The following MACROD2 variants were observed in gnomAD, a reference collection of about 807,000 sequenced individuals.
MACROD2 encodes the protein mono-ADP ribosylhydrolase 2.
In MACROD2, 36 loss-of-function variants were observed where a neutral mutation model predicts 70.4. That is an observed-to-expected ratio of 0.51 (90% CI 0.39 to 0.68). MACROD2 has a LOEUF of 0.68. Ranked by LOEUF, MACROD2 falls within the 30% of genes least tolerant of loss-of-function variation. The probability of loss-of-function intolerance (pLI) is 0.00; values close to 1 mark genes in which losing one functional copy is unlikely to be tolerated. For synonymous variants in MACROD2, 172 were observed against 178.8 expected, an observed-to-expected ratio of 0.96 and a Z score of 0.30; for missense variants, 496 against 538.4, an observed-to-expected ratio of 0.92 and a Z score of 0.78.
At chr20:14,955,129 T>C (rs2074521635) in intron 5 of MACROD2, among the ~76,000 whole-genome samples, 1 of 100,406 alleles carries the variant, frequency 1.0e-5, no homozygotes, top group African/African-American at 3.7e-5. Flanking sequence ...ACTTATATAT[T>C]ATAATTTATA....
chr20:15,116,044 G>C (rs1175894221), intron 5 of MACROD2, among the ~76,000 whole-genome samples: 1 of 152,148 alleles, frequency 6.6e-6, no homozygotes, highest in African/African-American at 2.4e-5. Context: ...TCCACTGTTA[G>C]AATTAAAATT....
chr20:15,148,948 A>T (rs899244853), intron 5 of MACROD2, among the ~76,000 whole-genome samples: 3 of 152,042 alleles, frequency 2.0e-5, no homozygotes, highest in Non-Finnish European at 4.4e-5. Context: ...GTCTGTTATC[A>T]GACTGTATAG....
At chr20:15,833,920 G>A (rs181130659) in intron 8 of MACROD2, among the ~76,000 whole-genome samples, 275 of 152,220 alleles carry the variant, frequency 1.8e-3, no homozygotes, top group Admixed American at 2.9e-3. Context: ...CTAAGAGGAG[G>A]CCAGGATGTG....
intron 4 of MACROD2, among the ~76,000 whole-genome samples, chr20:14,569,753 T>G (rs1022707651): frequency 1.3e-5 from 2 of 151,942 alleles, no homozygotes; most frequent in Non-Finnish European, 2.9e-5. Flanking sequence ...TTAGATACTT[T>G]GGGTCCCGGG....
intron 3 of MACROD2, chr20:14,127,573 T>G: frequency 2.1e-6 from 1 of 478,742 alleles, no homozygotes; most frequent in Middle Eastern, 4.6e-4. Context: ...GAGAAGAAAC[T>G]TTGAGTAGGA....
chr20:15,458,248 C>A (rs1373644169), intron 7 of MACROD2, among the ~76,000 whole-genome samples: 2 of 152,132 alleles, frequency 1.3e-5, no homozygotes, highest in African/African-American at 4.8e-5. Context: ...ATGACTATTC[C>A]ATTCACACAA....
intron 5 of MACROD2, among the ~76,000 whole-genome samples, chr20:14,703,827 A>G (rs183238294): frequency 0.012 from 1,821 of 152,232 alleles, 13 homozygotes; most frequent in South Asian, 0.024. Context: ...CCCAGGTTCA[A>G]GAGATTCTCC....
intron 2 of MACROD2, among the ~76,000 whole-genome samples, chr20:14,027,123 T>C (rs1383909272): frequency 1.3e-5 from 2 of 152,220 alleles, no homozygotes; most frequent in Non-Finnish European, 2.9e-5. Flanking sequence ...TCTTTTCACA[T>C]AGTCCCATAT....
chr20:15,643,061 C>A (rs568325544), intron 8 of MACROD2, among the ~76,000 whole-genome samples: 1 of 152,182 alleles, frequency 6.6e-6, no homozygotes, highest in South Asian at 2.1e-4. Context: ...GAAATAAGTG[C>A]AGTAACTTGA....
In MACROD2 at chr20:14,067,982, TATTAAC is replaced by T. The variant is rs1427491488; in HGVS notation, c.164-17636_164-17631del. ...AGAGGGTGGTTATAACCATTCAAAA[TATTAAC>T]ATAGAGAAACAGGACATATAGATCT... On this transcript the variant is annotated intron_variant, in intron 2 of 17. Transcript: ENST00000684519. Among the ~76,000 whole-genome samples, 3 of 152,214 alleles carry T rather than the reference TATTAAC, an allele frequency of 2.0e-5. No individual in the cohort carries two copies. The East Asian group carries it at 5.8e-4, about 29-fold the overall frequency.
At chr20:15,569,261 T>C (rs1011686079) in intron 8 of MACROD2, among the ~76,000 whole-genome samples, 2 of 152,214 alleles carry the variant, frequency 1.3e-5, no homozygotes, top group Non-Finnish European at 2.9e-5. Context: ...TTCACTTTTA[T>C]TTCTTAATTA....
intron 2 of MACROD2, among the ~76,000 whole-genome samples, chr20:14,016,668 G>A (rs183415221): frequency 6.6e-6 from 1 of 152,030 alleles, no homozygotes; most frequent in Non-Finnish European, 1.5e-5. Flanking sequence ...CATTTGAATG[G>A]TCTTGGCACT....
intron 5 of MACROD2, among the ~76,000 whole-genome samples, chr20:15,129,065 T>C (rs745543918): frequency 1.2e-4 from 18 of 152,060 alleles, no homozygotes; most frequent in Non-Finnish European, 2.2e-4. Context: ...TGTTTTAACA[T>C]TTAAAATAAG....
At chr20:15,770,688 C>G (rs6514613) in intron 8 of MACROD2, among the ~76,000 whole-genome samples, 42,506 of 151,746 alleles carry the variant, frequency 0.28, 6,762 homozygotes, top group African/African-American at 0.45. Context: ...TTTTAATTCA[C>G]GTGTGCTGGA....
At chr20:14,481,807 T>C (rs1274252308) in intron 3 of MACROD2, among the ~76,000 whole-genome samples, 2 of 152,220 alleles carry the variant, frequency 1.3e-5, no homozygotes, top group African/African-American at 2.4e-5. Context: ...TCATTTGTTA[T>C]AGGAAAAGTA....
chr20:14,109,724 A>G (rs999217674), intron 3 of MACROD2, among the ~76,000 whole-genome samples: 3 of 151,952 alleles, frequency 2.0e-5, no homozygotes, highest in African/African-American at 7.2e-5. Context: ...TGAACAGATC[A>G]ATAACACATT....
intron 6 of MACROD2, among the ~76,000 whole-genome samples, chr20:15,355,156 C>A (rs1008774519): frequency 2.0e-5 from 3 of 152,160 alleles, no homozygotes; most frequent in African/African-American, 7.2e-5. Flanking sequence ...TCAGACTCCA[C>A]AAGTTAAAGG....
chr20:14,108,810 T>C (rs1273193902), intron 3 of MACROD2, among the ~76,000 whole-genome samples: 1 of 152,124 alleles, frequency 6.6e-6, no homozygotes, highest in African/African-American at 2.4e-5. Context: ...CCCAATACAA[T>C]AATAACTGGA....
intron 2 of MACROD2, among the ~76,000 whole-genome samples, chr20:14,022,445 T>C (rs1362311615): frequency 6.6e-6 from 1 of 152,072 alleles, no homozygotes; most frequent in African/African-American, 2.4e-5. Context: ...CAATTCTTTT[T>C]TTTTTTTTTT....
Sources: gnomAD v4.1 joint callset for allele counts (sites outside exome capture counted in the v4.1 genomes callset) on GRCh38, gnomAD v4.1.1 for gene constraint, MANE v1.5 for transcripts, NCBI Gene and HGNC (gene_info 2026-07-23, HGNC 2026-07-21) for gene names.